The following LARGE1 variants were observed in gnomAD, a reference collection of about 807,000 sequenced individuals.
LARGE1 encodes LARGE xylosyl- and glucuronyltransferase 1.
Under a neutral mutation model 87.6 loss-of-function variants are expected in LARGE1, and 43 were observed. The observed-to-expected ratio is 0.49, with a 90% CI of 0.38 to 0.63. The LOEUF (loss-of-function observed/expected upper bound fraction) is 0.63, where lower values mean the gene tolerates loss of function less well. Among genes scored for constraint, LARGE1 ranks in the 30% least tolerant of loss-of-function variants. LARGE1 has a pLI of 0.00. For synonymous variants in LARGE1, 434 were observed against 394.6 expected, an observed-to-expected ratio of 1.10 and a Z score of -1.18; for missense variants, 802 against 1,000.2, an observed-to-expected ratio of 0.80 and a Z score of 2.67.
At chr22:33,259,942 C>A (rs574042544) in intron 11 of LARGE1, among the ~76,000 whole-genome samples, 1 of 152,218 alleles carries the variant, frequency 6.6e-6, no homozygotes, top group African/African-American at 2.4e-5. Flanking sequence ...GGCCAATTTG[C>A]GTTCCATATG....
intron 2 of LARGE1, among the ~76,000 whole-genome samples, chr22:33,711,285 A>G (rs2082723641): frequency 6.6e-6 from 1 of 152,194 alleles, no homozygotes; most frequent in South Asian, 2.1e-4. Context: ...GCAGCAGGAT[A>G]GGAGACAGGG....
intron 4 of LARGE1, among the ~76,000 whole-genome samples, chr22:33,618,287 T>G (rs2079639800): frequency 6.6e-6 from 1 of 152,138 alleles, no homozygotes; most frequent in Non-Finnish European, 1.5e-5. Context: ...CAGAGCAACT[T>G]TCAAGAAAAA....
At chr22:33,396,540 C>G (rs930348624) in intron 7 of LARGE1, among the ~76,000 whole-genome samples, 1 of 147,260 alleles carries the variant, frequency 6.8e-6, no homozygotes, top group Non-Finnish European at 1.5e-5. Context: ...GGAAATCCTT[C>G]CATCTCAAAC....
At position 33,375,814 on chromosome 22, in the gene LARGE1, C is replaced by A. The variant is rs2064974683; in HGVS notation, c.1131+6105G>T. ...TCAGGCTGGAGTGCAGTGGCACAAT[C>A]ACAGCTCACTGTAACCTCAGGCTCC... On this transcript the variant is annotated intron_variant, in intron 9 of 14. Transcript: ENST00000397394. Among the ~76,000 whole-genome samples, 3 of 152,252 alleles carry A rather than the reference C, an allele frequency of 2.0e-5. No individual in the cohort carries two copies. The South Asian group carries it at 6.2e-4, about 32-fold the overall frequency.
intron 5 of LARGE1, 142 bp downstream of exon 5, chr22:33,604,292 TC>T: frequency 1.8e-6 from 2 of 1,081,990 alleles, no homozygotes; most frequent in Non-Finnish European, 2.8e-6. Context: ...AAAATCAGAT[TC>T]TGCTGGCAAA....
intron 6 of LARGE1, among the ~76,000 whole-genome samples, chr22:33,547,360 C>T (rs2077389328): frequency 4.2e-5 from 2 of 47,630 alleles, no homozygotes; most frequent in Non-Finnish European, 6.1e-5. Context: ...AGGGTTTGCG[C>T]TACTATGGGA....
At chr22:33,135,036 A>G in the LARGE1 span, among the ~76,000 whole-genome samples, 1 of 152,350 alleles carries the variant, frequency 6.6e-6, no homozygotes, top group South Asian at 2.1e-4. Flanking sequence ...AAACAGCCCC[A>G]GGAGAAGAGC....
At chr22:33,842,824 T>C (rs977777430) in intron 1 of LARGE1, among the ~76,000 whole-genome samples, 2 of 152,248 alleles carry the variant, frequency 1.3e-5, no homozygotes, top group African/African-American at 4.8e-5. Context: ...GCTACTGATC[T>C]AGAGGGCAGC....
the LARGE1 span, among the ~76,000 whole-genome samples, chr22:33,104,945 TTCTCTTTCTC>T: frequency 1.5e-5 from 2 of 137,662 alleles, no homozygotes; most frequent in South Asian, 2.4e-4. Flanking sequence ...CTTTCTTTCT[TTCTCTTTCTC>T]TCTTTCTCTC....
At chr22:33,620,064 T>C (rs549546595) in intron 4 of LARGE1, among the ~76,000 whole-genome samples, 74 of 152,278 alleles carry the variant, frequency 4.9e-4, no homozygotes, top group African/African-American at 1.7e-3. Flanking sequence ...CAGACAGTTC[T>C]ACAATGAATT....
intron 3 of LARGE1, among the ~76,000 whole-genome samples, chr22:33,628,113 G>T (rs240588): frequency 0.5 from 76,507 of 151,904 alleles, 22,056 homozygotes; most frequent in East Asian, 0.73. Context: ...GAAAGAGGAG[G>T]GGAGATGCAA....
chr22:33,736,839 G>A (rs906666352), intron 2 of LARGE1, among the ~76,000 whole-genome samples: 1 of 152,100 alleles, frequency 6.6e-6, no homozygotes, highest in African/African-American at 2.4e-5. Context: ...TAAAAAATGT[G>A]TTTTAACTCC....
At chr22:33,283,072 G>A in intron 13 of LARGE1, 130 bp downstream of exon 13, 1 of 1,145,056 alleles carries the variant, frequency 8.7e-7, no homozygotes. Flanking sequence ...GGAGAAAGCG[G>A]TGCTTTCCTG....
intron 6 of LARGE1, among the ~76,000 whole-genome samples, chr22:33,506,493 G>C (rs5998972): frequency 0.018 from 2,812 of 152,276 alleles, 92 homozygotes; most frequent in African/African-American, 0.061. Context: ...AAGGGGCATG[G>C]AGCCAGATGA....
At chr22:33,595,163 T>C (rs188285983) in intron 5 of LARGE1, among the ~76,000 whole-genome samples, 12 of 152,210 alleles carry the variant, frequency 7.9e-5, no homozygotes, top group Middle Eastern at 3.2e-3. Flanking sequence ...TCTCTTTTTT[T>C]TAATTTTTAT....
At chr22:33,122,359 C>CTTTTTT in the LARGE1 span, among the ~76,000 whole-genome samples, 1 of 132,334 alleles carries the variant, frequency 7.6e-6, no homozygotes, top group Non-Finnish European at 1.6e-5. Context: ...TTTTCTTTTT[C>CTTTTTT]TTTTTTTTTT....
the LARGE1 span, among the ~76,000 whole-genome samples, chr22:33,109,846 T>C: frequency 6.6e-6 from 1 of 152,170 alleles, no homozygotes; most frequent in Admixed American, 6.5e-5. Flanking sequence ...GCTCTTGCCA[T>C]GTGACACCAC....
At chr22:33,342,799 T>C (rs958482773) in intron 9 of LARGE1, among the ~76,000 whole-genome samples, 1 of 151,754 alleles carries the variant, frequency 6.6e-6, no homozygotes, top group African/African-American at 2.4e-5. Flanking sequence ...GATGGGGGAG[T>C]GGATGGCGAG....
At chr22:33,800,451 GA>G (rs2086125518) in intron 1 of LARGE1, among the ~76,000 whole-genome samples, 1 of 152,098 alleles carries the variant, frequency 6.6e-6, no homozygotes, top group East Asian at 1.9e-4. Flanking sequence ...GTAGTTCTAT[GA>G]AATATTATCA....
Sources: allele counts gnomAD v4.1 joint callset (sites outside exome capture counted in the v4.1 genomes callset), GRCh38; gene constraint gnomAD v4.1.1; transcripts MANE v1.5; gene names NCBI Gene and HGNC (gene_info 2026-07-23, HGNC 2026-07-21).